The following MXI1 variants were observed in gnomAD, a reference collection of about 807,000 sequenced individuals.
MXI1 encodes MAX interactor 1, dimerization protein.
Under a neutral mutation model 36.9 loss-of-function variants are expected in MXI1, and 18 were observed. The observed-to-expected ratio is 0.49, with a 90% CI of 0.34 to 0.72. The LOEUF (loss-of-function observed/expected upper bound fraction) is 0.72, where lower values mean the gene tolerates loss of function less well. Ranked by LOEUF, MXI1 falls within the 30% of genes least tolerant of loss-of-function variation. The probability of loss-of-function intolerance (pLI) is 0.01; values close to 1 mark genes in which losing one functional copy is unlikely to be tolerated. For missense variants in MXI1, 304 were observed against 379.1 expected (o/e 0.80, Z 1.64); for synonymous variants, 160 against 146.7 (o/e 1.09, Z -0.65).
chr10:110,262,449 C>T (rs184497636), intron 3 of MXI1, among the ~76,000 whole-genome samples: 2 of 152,014 alleles, frequency 1.3e-5, no homozygotes, highest in Admixed American at 6.5e-5. Context: ...GTAAATGCAT[C>T]GAAAAGGCAC....
chr10:110,235,079 C>T (rs926496349), intron 2 of MXI1, among the ~76,000 whole-genome samples: 10 of 152,206 alleles, frequency 6.6e-5, no homozygotes, highest in African/African-American at 2.4e-4. Flanking sequence ...TAGAGACTAC[C>T]ACTTCCGATA....
At chr10:110,218,888 A>G (rs778308959) in intron 1 of MXI1, among the ~76,000 whole-genome samples, 2 of 152,176 alleles carry the variant, frequency 1.3e-5, no homozygotes, top group Non-Finnish European at 2.9e-5. Flanking sequence ...TGCAGAGATG[A>G]GCATTAGGTC....
At chr10:110,275,868 T>G (rs1857010468) in intron 3 of MXI1, among the ~76,000 whole-genome samples, 1 of 152,214 alleles carries the variant, frequency 6.6e-6, no homozygotes, top group East Asian at 1.9e-4. Context: ...ATGGCATCAC[T>G]GGCCTTTGTG....
rs140291791 is a variant in MXI1 at position 110,274,147 on chromosome 10, C to G, written c.438-5033C>G. 2.4e-3 allele frequency among the ~76,000 whole-genome samples: 369 copies of G among 152,256 alleles called. 2 individuals carry two copies. Among genetic ancestry groups the G allele is most frequent in the African/African-American group, 8.7e-3 (360 of 41,548 alleles). ...CAGTAGAGGTTACAGAGTTTGAAAT[C>G]AAAAGGAGCATTGGTTCCTTCAGGG... On this transcript the variant is annotated intron_variant, in intron 3 of 5. Coordinates refer to ENST00000332674, the MANE Select transcript of MXI1 (RefSeq NM_130439.3).
intron 5 of MXI1, among the ~76,000 whole-genome samples, chr10:110,283,514 TC>T (rs1423961257): frequency 6.6e-6 from 1 of 151,978 alleles, no homozygotes; most frequent in Non-Finnish European, 1.5e-5. Flanking sequence ...TCCACCTGCC[TC>T]AGCCTCCCAA....
chr10:110,228,027 G>A, intron 1 of MXI1, 162 bp from the exon 2 acceptor site: 1 of 719,176 alleles, frequency 1.4e-6, no homozygotes, highest in African/African-American at 1.8e-5. Context: ...CAGGATTGAT[G>A]TCCAGGCGAG....
At chr10:110,208,749 C>CCG (rs908048119) in intron 1 of MXI1, among the ~76,000 whole-genome samples, 2 of 149,096 alleles carry the variant, frequency 1.3e-5, no homozygotes, top group African/African-American at 5.1e-5. Context: ...CGCCCCCCCC[C>CCG]CCCCAAAGAA....
chr10:110,259,032 T>C (rs1338056708), intron 3 of MXI1, among the ~76,000 whole-genome samples: 1 of 152,250 alleles, frequency 6.6e-6, no homozygotes, highest in East Asian at 1.9e-4. Context: ...TTATGAGATC[T>C]TAAAAAATAA....
Position 110,207,741 on chromosome 10 carries a change from G to T in MXI1, c.-68G>T. 9.4e-7 allele frequency: 1 copy of T among 1,063,150 alleles called. No homozygotes were observed. Among genetic ancestry groups the T allele is most frequent in the Non-Finnish European group, 1.1e-6 (1 of 870,758 alleles). The allele number at this position is 1,063,150 out of a possible 1,614,324, so 65.9% of individuals were successfully genotyped here. A position where few individuals can be genotyped will look rare whatever the true frequency, so the allele number is the denominator to read the frequency against. ...TGCTCCAGCCGGCCGGGTCTCCCTGGGGGCCCGGAGCTCGGCCGGGCCGCG... is the reference window on the plus strand; with the variant it reads ...TGCTCCAGCCGGCCGGGTCTCCCTGTGGGCCCGGAGCTCGGCCGGGCCGCG... On this transcript the variant is annotated 5_prime_UTR_variant, in exon 1 of 6. Transcript: ENST00000332674.
chr10:110,246,502 C>CT (rs1361061335), intron 3 of MXI1, among the ~76,000 whole-genome samples: 2 of 152,154 alleles, frequency 1.3e-5, no homozygotes, highest in African/African-American at 4.8e-5. Context: ...CTTGAAAAGG[C>CT]TTAGCATAGT....
At chr10:110,225,582 A>G (rs181879715) in intron 1 of MXI1, among the ~76,000 whole-genome samples, 92 of 152,298 alleles carry the variant, frequency 6.0e-4, no homozygotes, top group Admixed American at 8.5e-4. Flanking sequence ...AGAAAGTAGG[A>G]GATAGAGGAC....
chr10:110,212,369 G>A (rs1459187902), intron 1 of MXI1, among the ~76,000 whole-genome samples: 1 of 152,190 alleles, frequency 6.6e-6, no homozygotes. Flanking sequence ...CTCTGTGTCT[G>A]TACAGCAGAT....
At chr10:110,240,529 G>A (rs1386884087) in intron 2 of MXI1, among the ~76,000 whole-genome samples, 2 of 152,102 alleles carry the variant, frequency 1.3e-5, no homozygotes, top group Non-Finnish European at 2.9e-5. Context: ...TTAAAAATGA[G>A]ATGTACTTTT....
intron 1 of MXI1, among the ~76,000 whole-genome samples, chr10:110,210,494 G>C (rs1157379920): frequency 6.6e-6 from 1 of 152,060 alleles, no homozygotes; most frequent in Non-Finnish European, 1.5e-5. Context: ...TTTGGCTGCA[G>C]AGACCCCGCT....
chr10:110,214,775 AC>A (rs900592704), intron 1 of MXI1, among the ~76,000 whole-genome samples: 1 of 150,376 alleles, frequency 6.6e-6, no homozygotes, highest in Non-Finnish European at 1.5e-5. Flanking sequence ...GACACACCTA[AC>A]CCCCGACAGC....
rs1442962450 is a variant in MXI1 at position 110,285,989 on chromosome 10, A to G, written c.*1002A>G. On this transcript the variant is annotated 3_prime_UTR_variant, in exon 6 of 6. Transcript: ENST00000332674. ...TTTTATAGTGGAAAAACACATGGGG[A>G]AAAAAATCATCTATTTTGATGCAGC... 3.3e-5 allele frequency: 5 copies of G among 152,572 alleles called. No homozygotes were observed. Among genetic ancestry groups the G allele is most frequent in the South Asian group, 4.1e-4 (2 of 4,832 alleles). The allele number at this position is 152,572 out of a possible 1,614,324, so 9.5% of individuals were successfully genotyped here.
rs1415712200 is a variant in MXI1 at position 110,286,173 on chromosome 10, C to G, written c.*1186C>G. 1 of 57,592 alleles carries G rather than the reference C, an allele frequency of 1.7e-5. No homozygotes were observed. Among genetic ancestry groups the G allele is most frequent in the African/African-American group, 4.6e-5 (1 of 21,626 alleles). 3.6% of individuals were successfully genotyped at this position (57,592 alleles called of 1,614,324 possible). A position where few individuals can be genotyped will look rare whatever the true frequency, so the allele number is the denominator to read the frequency against. The stretch of plus-strand genomic sequence containing the variant: ...CTGATATCTATAGTAGACACACTAT[C>G]ATAGTTAACATAGTAAGTTCAGCAC... On this transcript the variant is annotated 3_prime_UTR_variant, in exon 6 of 6. Coordinates refer to ENST00000332674, the MANE Select transcript of MXI1 (RefSeq NM_130439.3).
chr10:110,262,190 CAT>C (rs1255444174), intron 3 of MXI1, among the ~76,000 whole-genome samples: 1 of 152,078 alleles, frequency 6.6e-6, no homozygotes, highest in Non-Finnish European at 1.5e-5. Flanking sequence ...CTATGCTAAA[CAT>C]ATACAGACTT....
At chr10:110,213,537 T>C (rs1187731988) in intron 1 of MXI1, among the ~76,000 whole-genome samples, 1 of 152,208 alleles carries the variant, frequency 6.6e-6, no homozygotes, top group African/African-American at 2.4e-5. Flanking sequence ...TGATCTCTGC[T>C]GACTGGTAAA....
Sources: allele counts gnomAD v4.1 joint callset (sites outside exome capture counted in the v4.1 genomes callset), GRCh38; gene constraint gnomAD v4.1.1; transcripts MANE v1.5; gene names NCBI Gene and HGNC (gene_info 2026-07-23, HGNC 2026-07-21).